Variants in ADGRB3 observed in about 807,000 individuals in gnomAD.
ADGRB3 encodes the protein brain-specific angiogenesis inhibitor 3.
A neutral mutation model predicts 193.4 loss-of-function variants in ADGRB3; 37 were observed. The ratio of observed to expected loss-of-function variants is 0.19; its 90% CI spans 0.15 to 0.25. The LOEUF (loss-of-function observed/expected upper bound fraction) is 0.25, where lower values mean the gene tolerates loss of function less well. Ranked by LOEUF, ADGRB3 falls within the 10% of genes least tolerant of loss-of-function variation. The pLI is 1.00. For missense variants in ADGRB3, 1,637 were observed against 1,852.9 expected, an observed-to-expected ratio of 0.88 and a Z score of 2.14; for synonymous variants, 690 against 644.2, an observed-to-expected ratio of 1.07 and a Z score of -1.08.
intron 3 of ADGRB3, among the ~76,000 whole-genome samples, chr6:68,904,422 G>C (rs1469301626): frequency 6.6e-6 from 1 of 152,136 alleles, no homozygotes; most frequent in Non-Finnish European, 1.5e-5. Context: ...GCATATGACT[G>C]TATGTTGACT....
chr6:69,162,512 T>C (rs1281285974), intron 17 of ADGRB3, among the ~76,000 whole-genome samples: 1 of 152,110 alleles, frequency 6.6e-6, no homozygotes, highest in Non-Finnish European at 1.5e-5. Flanking sequence ...CTACATTTCA[T>C]TCTGTAGGCA....
At chr6:69,166,222 A>T (rs56117881) in intron 17 of ADGRB3, among the ~76,000 whole-genome samples, 21,801 of 152,062 alleles carry the variant, frequency 0.14, 1,609 homozygotes, top group Middle Eastern at 0.16. Context: ...GAAGAGCTGA[A>T]CTGTGAGTGA....
chr6:68,906,459 T>C (rs1435008630), intron 3 of ADGRB3, among the ~76,000 whole-genome samples: 3 of 152,086 alleles, frequency 2.0e-5, no homozygotes, highest in African/African-American at 4.8e-5. Context: ...TCATACATCA[T>C]TGACCATGTG....
At chr6:69,342,375 C>A (rs900521030) in intron 26 of ADGRB3, among the ~76,000 whole-genome samples, 27 of 151,878 alleles carry the variant, frequency 1.8e-4, no homozygotes, top group African/African-American at 5.6e-4. Context: ...CTTAAAAATA[C>A]CCTATAACAT....
intron 16 of ADGRB3, among the ~76,000 whole-genome samples, chr6:69,073,152 A>C (rs1292529476): frequency 6.6e-6 from 1 of 152,180 alleles, no homozygotes; most frequent in African/African-American, 2.4e-5. Context: ...TATGTTCCTC[A>C]TCTACTTCTA....
intron 28 of ADGRB3, among the ~76,000 whole-genome samples, chr6:69,357,607 A>G (rs1357862857): frequency 1.3e-5 from 2 of 151,958 alleles, no homozygotes; most frequent in African/African-American, 2.4e-5. Flanking sequence ...ACTCAAAACC[A>G]TTAAACATCT....
At chr6:69,171,459 T>G (rs979944482) in intron 17 of ADGRB3, among the ~76,000 whole-genome samples, 1 of 152,214 alleles carries the variant, frequency 6.6e-6, no homozygotes, top group Admixed American at 6.5e-5. Context: ...CAATCAGGTA[T>G]CCATAGCTCC....
At chr6:68,762,623 T>A (rs1451513158) in intron 3 of ADGRB3, among the ~76,000 whole-genome samples, 1 of 152,042 alleles carries the variant, frequency 6.6e-6, no homozygotes, top group Non-Finnish European at 1.5e-5. Flanking sequence ...ATAAAATAAG[T>A]CATAAACATA....
chr6:68,913,736 A>G (rs1766791209), intron 3 of ADGRB3, among the ~76,000 whole-genome samples: 2 of 152,218 alleles, frequency 1.3e-5, no homozygotes, highest in South Asian at 4.1e-4. Context: ...CAGACGATCA[A>G]ACTACTCCGA....
At chr6:68,643,335 T>C (rs1768125342) in intron 3 of ADGRB3, among the ~76,000 whole-genome samples, 3 of 152,174 alleles carry the variant, frequency 2.0e-5, no homozygotes, top group African/African-American at 7.2e-5. Flanking sequence ...GATTTGAGTC[T>C]ATGTCAGTTT....
At chr6:68,837,134 A>G in intron 3 of ADGRB3, among the ~76,000 whole-genome samples, 1 of 152,182 alleles carries the variant, frequency 6.6e-6, no homozygotes, top group East Asian at 1.9e-4. Flanking sequence ...CACACCCCAA[A>G]CCAGGAACTG....
chr6:69,031,329 T>G (rs1770677219), intron 13 of ADGRB3, among the ~76,000 whole-genome samples: 1 of 151,168 alleles, frequency 6.6e-6, no homozygotes, highest in South Asian at 2.1e-4. Context: ...TAGTCCCAGC[T>G]ACTCGGGAGG....
At position 68,974,767 on chromosome 6, in the gene ADGRB3, T is replaced by C; in HGVS notation, c.1530T>C (p.Pro510=). The part of the protein sequence containing the change: ...RRCNEQRCPA[P]YEICPEDYLM... Reference sequence around the variant, plus strand: ...TCCCTTTGTTTAAAATTGCAGCACCTTATGAAATATGCCCTGAGGATTATC... The same window carrying C: ...TCCCTTTGTTTAAAATTGCAGCACCCTATGAAATATGCCCTGAGGATTATC... Residue 510 remains proline (P), a synonymous_variant, in exon 9 of 32, where the codon CCT becomes CCC. Coordinates refer to ENST00000370598, the MANE Select transcript of ADGRB3 (RefSeq NM_001704.3). 3.1e-6 allele frequency: 5 copies of C among 1,613,708 alleles called. No homozygotes were observed. The highest frequency in any genetic ancestry group is 4.2e-6 in the Non-Finnish European group (5 of 1,179,740).
chr6:69,233,919 A>G (rs564114208), intron 18 of ADGRB3, among the ~76,000 whole-genome samples: 1 of 152,230 alleles, frequency 6.6e-6, no homozygotes, highest in African/African-American at 2.4e-5. Context: ...TTGTGAAAGC[A>G]TGGCTGTCAG....
intron 3 of ADGRB3, among the ~76,000 whole-genome samples, chr6:68,852,334 G>T (rs546348351): frequency 3.9e-5 from 6 of 151,974 alleles, no homozygotes; most frequent in Non-Finnish European, 5.9e-5. Flanking sequence ...GGGCTCAGAA[G>T]TGTTTAAATT....
chr6:68,763,580 G>T (rs1766453852), intron 3 of ADGRB3, among the ~76,000 whole-genome samples: 1 of 151,986 alleles, frequency 6.6e-6, no homozygotes, highest in South Asian at 2.1e-4. Context: ...GAATGATAAG[G>T]GATGCACATT....
chr6:69,094,529 G>A (rs1582455981), intron 17 of ADGRB3, among the ~76,000 whole-genome samples: 1 of 152,002 alleles, frequency 6.6e-6, no homozygotes. Context: ...AATTAAATTG[G>A]CACCCAGAGG....
rs202010396 is a variant in ADGRB3 at position 69,090,902 on chromosome 6, TAGAA to T, written c.2480+14869_2480+14872del. Among the ~76,000 whole-genome samples, 973 of 152,326 alleles carry T rather than the reference TAGAA, an allele frequency of 6.4e-3. 10 individuals carry two copies. The highest frequency in any genetic ancestry group is 0.022 in the African/African-American group (897 of 41,566). ...AACATATTGCCCATATTCTCACTAT[TAGAA>T]AGAAGAAACTTTCCTGAAATTTGAT... is the stretch of plus-strand genomic sequence containing the variant. On this transcript the variant is annotated intron_variant, in intron 17 of 31. Coordinates refer to ENST00000370598, the MANE Select transcript of ADGRB3 (RefSeq NM_001704.3).
At chr6:69,027,001 C>A (rs1048878175) in intron 13 of ADGRB3, among the ~76,000 whole-genome samples, 2 of 152,106 alleles carry the variant, frequency 1.3e-5, no homozygotes, top group African/African-American at 4.8e-5. Context: ...TCATAAGCTA[C>A]ACTAAATTTA....
Sources: allele counts gnomAD v4.1 joint callset (sites outside exome capture counted in the v4.1 genomes callset), GRCh38; gene constraint gnomAD v4.1.1; transcripts MANE v1.5; gene names NCBI Gene and HGNC (gene_info 2026-07-23, HGNC 2026-07-21).